Variants in NEGR1 observed in about 807,000 individuals in gnomAD.
NEGR1 encodes the protein IgLON family member 4.
NEGR1 carries 10 observed loss-of-function variants against 40.9 expected under a neutral mutation model. The observed-to-expected ratio is 0.24, with a 90% CI of 0.15 to 0.42. The LOEUF (loss-of-function observed/expected upper bound fraction) is 0.42. NEGR1 is among the 10% of genes least tolerant of loss of function. The pLI is 1.00. For synonymous variants in NEGR1, 185 were observed against 166.8 expected, an observed-to-expected ratio of 1.11 and a Z score of -0.84; for missense variants, 352 against 438.9, an observed-to-expected ratio of 0.80 and a Z score of 1.77.
intron 6 of NEGR1, chr1:71,461,828 C>G (rs1569901315): frequency 6.6e-6 from 1 of 152,158 alleles, no homozygotes; most frequent in East Asian, 1.9e-4. Flanking sequence ...GTCATTTTCT[C>G]TTTAAATGCT....
chr1:71,862,395 CATAAG>C (rs1659976723), intron 2 of NEGR1, among the ~76,000 whole-genome samples: 7 of 152,170 alleles, frequency 4.6e-5, no homozygotes, highest in Admixed American at 3.3e-4. Context: ...TCAAAAACAT[CATAAG>C]ATAACTACCT....
intron 6 of NEGR1, among the ~76,000 whole-genome samples, chr1:71,503,413 C>G (rs1647011595): frequency 6.6e-6 from 1 of 152,120 alleles, no homozygotes; most frequent in South Asian, 2.1e-4. Flanking sequence ...ATGCTTGCCC[C>G]CTCCATACAT....
chr1:72,144,149 A>C (rs895499810), intron 1 of NEGR1, among the ~76,000 whole-genome samples: 3 of 151,160 alleles, frequency 2.0e-5, no homozygotes, highest in African/African-American at 7.3e-5. Context: ...ACCAATTTTG[A>C]GTAGAATGTT....
At chr1:71,544,675 A>G (rs1291050626) in intron 6 of NEGR1, among the ~76,000 whole-genome samples, 1 of 151,732 alleles carries the variant, frequency 6.6e-6, no homozygotes, top group Non-Finnish European at 1.5e-5. Flanking sequence ...AGACAGTACA[A>G]TTATCTCCTG....
intron 1 of NEGR1, among the ~76,000 whole-genome samples, chr1:72,186,437 T>C (rs1652614236): frequency 6.6e-6 from 1 of 151,642 alleles, no homozygotes; most frequent in Non-Finnish European, 1.5e-5. Flanking sequence ...AAGTCATGAC[T>C]AAAGTAATGC....
At chr1:71,795,813 A>G (rs914688307) in intron 2 of NEGR1, among the ~76,000 whole-genome samples, 1 of 152,182 alleles carries the variant, frequency 6.6e-6, no homozygotes, top group Non-Finnish European at 1.5e-5. Context: ...ATGAAAATAT[A>G]TGTCAATTCT....
At chr1:71,565,563 A>G (rs1648592408) in intron 6 of NEGR1, among the ~76,000 whole-genome samples, 1 of 152,180 alleles carries the variant, frequency 6.6e-6, no homozygotes, top group Non-Finnish European at 1.5e-5. Flanking sequence ...AGGACAGAGC[A>G]ACAAGTATTG....
intron 3 of NEGR1, among the ~76,000 whole-genome samples, chr1:71,770,673 A>G (rs1215812190): frequency 3.9e-5 from 6 of 152,216 alleles, no homozygotes; most frequent in African/African-American, 1.4e-4. Flanking sequence ...TGTGACTCCT[A>G]ATGGTCAAAC....
At chr1:71,654,587 T>C (rs886827078) in intron 4 of NEGR1, among the ~76,000 whole-genome samples, 1 of 152,150 alleles carries the variant, frequency 6.6e-6, no homozygotes, top group African/African-American at 2.4e-5. Context: ...TATGGGTTTT[T>C]GGAAAGTGAA....
At chr1:71,526,148 T>G (rs1647213583) in intron 6 of NEGR1, among the ~76,000 whole-genome samples, 2 of 151,430 alleles carry the variant, frequency 1.3e-5, no homozygotes, top group African/African-American at 4.8e-5. Context: ...ATTAATCAAC[T>G]AATTATGGAT....
At chr1:71,852,428 A>C (rs555216711) in intron 2 of NEGR1, among the ~76,000 whole-genome samples, 2 of 152,148 alleles carry the variant, frequency 1.3e-5, no homozygotes, top group South Asian at 4.1e-4. Flanking sequence ...CCATATTTCA[A>C]TATGAAAAAT....
intron 1 of NEGR1, among the ~76,000 whole-genome samples, chr1:72,046,633 G>A (rs1225407567): frequency 6.6e-6 from 1 of 151,520 alleles, no homozygotes; most frequent in Non-Finnish European, 1.5e-5. Context: ...GACCATTAAA[G>A]ACAAACAAAT....
chr1:71,611,477 T>C (rs1195295532), intron 4 of NEGR1, among the ~76,000 whole-genome samples: 4 of 152,196 alleles, frequency 2.6e-5, no homozygotes, highest in African/African-American at 4.8e-5. Context: ...ATAGTTCTCA[T>C]CTATTGAGTG....
At chr1:71,774,277 G>A (rs1208732399) in intron 3 of NEGR1, among the ~76,000 whole-genome samples, 5 of 152,092 alleles carry the variant, frequency 3.3e-5, no homozygotes, top group African/African-American at 1.2e-4. Context: ...TCCTGGTTCT[G>A]AATTTGCTGC....
chr1:72,249,101 A>G (rs1655002404), intron 1 of NEGR1, among the ~76,000 whole-genome samples: 1 of 152,182 alleles, frequency 6.6e-6, no homozygotes, highest in Admixed American at 6.5e-5. Flanking sequence ...TTGGGAGGTA[A>G]TTATGTCATG....
chr1:72,081,604 T>C (rs757945983), intron 1 of NEGR1, among the ~76,000 whole-genome samples: 4 of 152,100 alleles, frequency 2.6e-5, no homozygotes, highest in Non-Finnish European at 4.4e-5. Flanking sequence ...CTGCACATCA[T>C]TGTATCCTAT....
At chr1:72,071,444 A>C (rs985753947) in intron 1 of NEGR1, among the ~76,000 whole-genome samples, 2 of 152,106 alleles carry the variant, frequency 1.3e-5, no homozygotes, top group Non-Finnish European at 2.9e-5. Context: ...GTACATATGT[A>C]CTTTTCTTTC....
At chr1:72,281,596 A>G (rs1656252443) in intron 1 of NEGR1, among the ~76,000 whole-genome samples, 1 of 152,126 alleles carries the variant, frequency 6.6e-6, no homozygotes, top group African/African-American at 2.4e-5. Context: ...GGAGGAATAA[A>G]AAAAATAGAC....
At chr1:72,103,930 T>A (rs2630392) in intron 1 of NEGR1, among the ~76,000 whole-genome samples, 81,799 of 151,898 alleles carry the variant, frequency 0.54, 22,620 homozygotes, top group African/African-American at 0.67. Context: ...TTAGAAGATC[T>A]GAAGGATTAC....
Sources: gnomAD v4.1 joint callset for allele counts (sites outside exome capture counted in the v4.1 genomes callset) on GRCh38, gnomAD v4.1.1 for gene constraint, MANE v1.5 for transcripts, NCBI Gene and HGNC (gene_info 2026-07-23, HGNC 2026-07-21) for gene names.